The following CLCC1 variants were observed in gnomAD, a reference collection of about 807,000 sequenced individuals.
CLCC1 encodes the protein chloride channel CLIC-like protein 1.
Under a neutral mutation model 63.3 loss-of-function variants are expected in CLCC1, and 39 were observed. The ratio of observed to expected loss-of-function variants is 0.62; its 90% confidence interval spans 0.48 to 0.81. The LOEUF (loss-of-function observed/expected upper bound fraction) is 0.81. CLCC1 is among the 30% of genes least tolerant of loss of function. The pLI, the probability that CLCC1 is intolerant of heterozygous loss-of-function variation, is 0.00. For synonymous variants in CLCC1, 217 were observed against 239.8 expected (o/e 0.90, Z 0.88); for missense variants, 549 against 669.4 (o/e 0.82, Z 1.98).
In CLCC1 at chr1:108,940,108, G is replaced by A. The variant is rs371300643; in HGVS notation, c.831C>T (p.Asp277=). The change falls in exon 9 of 13, where the codon GAC becomes GAT. Residue 277 remains aspartate, a synonymous_variant. Coordinates refer to ENST00000369969, the MANE Select transcript of CLCC1 (RefSeq NM_001377458.1). ...WFRSSWTYKD[D]PCQKYYELLL... ...AGAGCTCATAGTATTTTTGGCATGG[G>A]TCATCCTTATAGGTCCATGAACTTC... The A allele has an allele frequency of 5.0e-6, 8 of 1,613,184 alleles. No individual in the cohort carries two copies. Among genetic ancestry groups the A allele is most frequent in the Non-Finnish European group, 6.8e-6 (8 of 1,179,404 alleles).
intron 2 of CLCC1, among the ~76,000 whole-genome samples, chr1:108,958,545 G>A (rs1656216565): frequency 2.0e-5 from 3 of 151,522 alleles, no homozygotes; most frequent in Non-Finnish European, 2.9e-5. Context: ...TCAAAGAGAA[G>A]CCATAAAGTG....
At chr1:108,935,937 G>C (rs1447888982) in intron 11 of CLCC1, among the ~76,000 whole-genome samples, 1 of 152,140 alleles carries the variant, frequency 6.6e-6, no homozygotes, top group Non-Finnish European at 1.5e-5. Flanking sequence ...GAGAGGTAGT[G>C]GATGTGGGGG....
At chr1:108,949,241 C>T (rs1413467687) in intron 4 of CLCC1, among the ~76,000 whole-genome samples, 2 of 152,248 alleles carry the variant, frequency 1.3e-5, no homozygotes, top group Admixed American at 6.5e-5. Context: ...TACCTCCACA[C>T]TGCTACCAGT....
chr1:108,944,699 T>G (rs1474531910), intron 5 of CLCC1, among the ~76,000 whole-genome samples: 2 of 152,022 alleles, frequency 1.3e-5, no homozygotes, highest in East Asian at 3.9e-4. Flanking sequence ...ACGCAATCTC[T>G]GCTCACTGCA....
chr1:108,929,599 A>G lies in CLCC1; in HGVS notation c.*2948T>C. 2 of 1,033,412 alleles carry G rather than the reference A, an allele frequency of 1.9e-6. No homozygotes were observed. Among genetic ancestry groups the G allele is most frequent in the South Asian group, 1.3e-5 (1 of 74,710 alleles). The allele number at this position is 1,033,412 out of a possible 1,614,324, so 64.0% of individuals were successfully genotyped here. On this transcript the variant is annotated 3_prime_UTR_variant, in exon 13 of 13. Transcript: ENST00000369969. ...ATTAATTTCTGAGAAGCCCCAAATAAAAGTTTACAACTGCGTTTTCTTGTT... is the reference window on the plus strand; with the variant it reads ...ATTAATTTCTGAGAAGCCCCAAATAGAAGTTTACAACTGCGTTTTCTTGTT...
At chr1:108,954,307 G>A (rs1164792235) in intron 2 of CLCC1, among the ~76,000 whole-genome samples, 1 of 147,196 alleles carries the variant, frequency 6.8e-6, no homozygotes, top group Non-Finnish European at 1.5e-5. Flanking sequence ...CTAACATGGT[G>A]AAACCCAGTC....
At chr1:108,961,299 A>AAAAC (rs10686958) in intron 2 of CLCC1, among the ~76,000 whole-genome samples, 1 of 150,562 alleles carries the variant, frequency 6.6e-6, no homozygotes, top group Admixed American at 6.6e-5. Context: ...AAAAAAAAAA[A>AAAAC]CGATTCTGAT....
At chr1:108,939,866 G>GA in intron 9 of CLCC1, 84 bp from the exon 10 acceptor site, 1 of 1,411,512 alleles carries the variant, frequency 7.1e-7, no homozygotes, top group Non-Finnish European at 9.7e-7. Context: ...TACTGATGCT[G>GA]AAAGTATGTT....
At position 108,934,605 on chromosome 1, in the gene CLCC1, G is replaced by T; in HGVS notation, c.*45+20C>A. On this transcript the variant is annotated intron_variant, in intron 12 of 12. Coordinates refer to ENST00000369969, the MANE Select transcript of CLCC1 (RefSeq NM_001377458.1). ...AGAATTCTTGCAGAGAAGAGAAAGA[G>T]AGTGAAGAGTATACTTTACAAAGCT... 1 of 1,530,258 alleles carries T rather than the reference G, an allele frequency of 6.5e-7. No homozygotes were observed. Among genetic ancestry groups the T allele is most frequent in the Non-Finnish European group, 8.8e-7 (1 of 1,134,354 alleles). 94.8% of individuals were successfully genotyped at this position (1,530,258 alleles called of 1,614,324 possible).
At position 108,929,667 on chromosome 1, in the gene CLCC1, A is replaced by T. The variant is rs1557884123; in HGVS notation, c.*2880T>A. Reference sequence around the variant, plus strand: ...CATAGCTTGGTGCTTTCTTTCCCACAGTATGTCTTTTAATCTCTCTCATAA... The same window carrying T: ...CATAGCTTGGTGCTTTCTTTCCCACTGTATGTCTTTTAATCTCTCTCATAA... On this transcript the variant is annotated 3_prime_UTR_variant, in exon 13 of 13. Transcript: ENST00000369969. 2 of 1,605,736 alleles carry T rather than the reference A, an allele frequency of 1.2e-6. No homozygotes were observed. Among genetic ancestry groups the T allele is most frequent in the South Asian group, 2.2e-5 (2 of 90,910 alleles).
chr1:108,957,582 C>CAA lies in CLCC1; in HGVS notation c.-12+4726_-12+4727insTT, dbSNP rs1467020542. On this transcript the variant is annotated intron_variant, in intron 2 of 12. Coordinates refer to ENST00000369969, the MANE Select transcript of CLCC1 (RefSeq NM_001377458.1). ...TATAACATCTCTTGCTACTCTAATACAGAAATACACTATAGAAATTGCTGA... is the reference window on the plus strand; with the variant it reads ...TATAACATCTCTTGCTACTCTAATACAAAGAAATACACTATAGAAATTGCTGA... Among the ~76,000 whole-genome samples, 5 of 151,478 alleles carry CAA rather than the reference C, an allele frequency of 3.3e-5. 1 individual carries two copies. The highest frequency in any genetic ancestry group is 1.2e-4 in the African/African-American group (5 of 40,776).
intron 2 of CLCC1, among the ~76,000 whole-genome samples, chr1:108,952,173 AT>A (rs34619390): frequency 6.7e-6 from 1 of 149,532 alleles, no homozygotes. Flanking sequence ...TCTCCCCCCT[AT>A]TTTTGGGTTT....
In CLCC1 at chr1:108,931,492, T is replaced by A. The variant is rs1651966944; in HGVS notation, c.*1055A>T. On this transcript the variant is annotated 3_prime_UTR_variant, in exon 13 of 13. Coordinates refer to ENST00000369969, the MANE Select transcript of CLCC1 (RefSeq NM_001377458.1). ...TGCTTCAGACTGTGCACAGCTGGGA[T>A]GGGATCTGGGGATGTGGACCCCTAT... 1.0e-5 allele frequency: 16 copies of A among 1,549,952 alleles called. No individual in the cohort carries two copies. The highest frequency in any genetic ancestry group is 2.7e-5 in the African/African-American group (2 of 73,004).
chr1:108,950,484 T>G, intron 2 of CLCC1, 36 bp from the exon 3 acceptor site: 9 of 1,181,794 alleles, frequency 7.6e-6, no homozygotes, highest in East Asian at 3.2e-5. Flanking sequence ...TGAAATAGAA[T>G]TATTTTTTTA....
intron 5 of CLCC1, among the ~76,000 whole-genome samples, chr1:108,946,700 CA>C (rs1176549365): frequency 6.6e-6 from 1 of 150,692 alleles, no homozygotes; most frequent in Non-Finnish European, 1.5e-5. Flanking sequence ...GTGGCACACA[CA>C]ATAGGAAAAA....
chr1:108,949,799 T>C lies in CLCC1; in HGVS notation c.231+21A>G, dbSNP rs774983413. ...TTTAACATAATATAAAAATATAAAA[T>C]TTATCAATAAAAAAACTAACCTTAT... On this transcript the variant is annotated intron_variant, in intron 4 of 12. Coordinates refer to ENST00000369969, the MANE Select transcript of CLCC1 (RefSeq NM_001377458.1). 7 of 1,253,148 alleles carry C rather than the reference T, an allele frequency of 5.6e-6. No individual in the cohort carries two copies. The Admixed American group carries it at 1.4e-4, about 25-fold the overall frequency. The allele number at this position is 1,253,148 out of a possible 1,614,324, so 77.6% of individuals were successfully genotyped here. A position where few individuals can be genotyped will look rare whatever the true frequency, so the allele number is the denominator to read the frequency against.
chr1:108,943,050 C>T (rs553625222), intron 7 of CLCC1, among the ~76,000 whole-genome samples: 2 of 152,098 alleles, frequency 1.3e-5, no homozygotes, highest in Non-Finnish European at 2.9e-5. Flanking sequence ...GCTGGGACTA[C>T]AGGTGCACGT....
At chr1:108,936,490 T>G (rs1427310808) in intron 11 of CLCC1, among the ~76,000 whole-genome samples, 1 of 152,254 alleles carries the variant, frequency 6.6e-6, no homozygotes, top group East Asian at 1.9e-4. Flanking sequence ...CATAACTGTT[T>G]CAAAGGTTTA....
chr1:108,935,977 T>C (rs977125686), intron 11 of CLCC1, among the ~76,000 whole-genome samples: 8 of 151,888 alleles, frequency 5.3e-5, no homozygotes, highest in African/African-American at 1.9e-4. Flanking sequence ...TTCCAGGCCA[T>C]TGTAATACTG....
Sources: gnomAD v4.1 joint callset for allele counts (sites outside exome capture counted in the v4.1 genomes callset) on GRCh38, gnomAD v4.1.1 for gene constraint, MANE v1.5 for transcripts, NCBI Gene and HGNC (gene_info 2026-07-23, HGNC 2026-07-21) for gene names.